Variants in HNRNPA3 observed in about 807,000 individuals in gnomAD.
The protein encoded by HNRNPA3 is epididymis secretory sperm binding protein.
HNRNPA3 carries 3 observed loss-of-function variants against 45.8 expected under a neutral mutation model. That is an observed-to-expected ratio of 0.07 (90% CI 0.03 to 0.17). The LOEUF (loss-of-function observed/expected upper bound fraction) is 0.17, where lower values mean the gene tolerates loss of function less well. Ranked by LOEUF, HNRNPA3 falls within the 10% of genes least tolerant of loss-of-function variation. The pLI, the probability that HNRNPA3 is intolerant of heterozygous loss-of-function variation, is 1.00. For synonymous variants in HNRNPA3, 170 were observed against 155.6 expected, an observed-to-expected ratio of 1.09 and a Z score of -0.69; for missense variants, 183 against 480.3, an observed-to-expected ratio of 0.38 and a Z score of 5.79.
chr2:177,214,244 A>C (rs1375455860), intron 1 of HNRNPA3, among the ~76,000 whole-genome samples: 2 of 152,268 alleles, frequency 1.3e-5, no homozygotes, highest in African/African-American at 4.8e-5. Context: ...CAGACAATAC[A>C]TACCATTCCT....
At chr2:177,213,878 A>T (rs1041384292) in intron 1 of HNRNPA3, among the ~76,000 whole-genome samples, 1 of 152,222 alleles carries the variant, frequency 6.6e-6, no homozygotes, top group Admixed American at 6.5e-5. Context: ...TTTAATGTGG[A>T]TCCTAAATAT....
downstream of HNRNPA3, chr2:177,220,730 G>C (rs1471251930): frequency 6.6e-6 from 1 of 152,574 alleles, no homozygotes; most frequent in South Asian, 2.1e-4. Flanking sequence ...AGAACACACT[G>C]TTATTTCTTG....
chr2:177,213,078 C>T (rs1263574871), intron 1 of HNRNPA3, among the ~76,000 whole-genome samples: 5 of 152,132 alleles, frequency 3.3e-5, no homozygotes, highest in Non-Finnish European at 4.4e-5. Flanking sequence ...ACAGGCGGCC[C>T]CTTGGAGGCG....
In HNRNPA3 at chr2:177,215,534, C is replaced by G. The variant is rs747546268; in HGVS notation, c.73-5C>G. 6.2e-6 allele frequency: 10 copies of G among 1,613,686 alleles called. No homozygotes were observed. Among genetic ancestry groups the G allele is most frequent in the Non-Finnish European group, 8.5e-6 (10 of 1,179,762 alleles). ...TAACTTAAGAGTATTGGTTCTTTCT[C>G]TCAGGGCCATGATCCAAAGGAACCA... On this transcript the variant is annotated splice_region_variant and splice_polypyrimidine_tract_variant and intron_variant, in intron 1 of 10. Transcript: ENST00000392524.
intron 8 of HNRNPA3, among the ~76,000 whole-genome samples, chr2:177,218,348 C>T (rs1470372946): frequency 2.0e-5 from 3 of 152,160 alleles, no homozygotes; most frequent in African/African-American, 7.2e-5. Context: ...AGGCATGAGC[C>T]ACTGCACTCA....
Position 177,216,858 on chromosome 2 carries a change from A to C in HNRNPA3, c.740-2A>C. ...TTTAATTCATTTCTTGTTTTTCCTC[A>C]GGAGGCTATGGTGGTGGAGGTGGTG... On this transcript the variant is annotated splice_acceptor_variant, in intron 6 of 10. Coordinates refer to ENST00000392524, the Ensembl canonical transcript of HNRNPA3. LOFTEE classifies it high-confidence loss of function. 6.2e-7 allele frequency: 1 copy of C among 1,612,206 alleles called. No individual in the cohort carries two copies. Among genetic ancestry groups the C allele is most frequent in the Admixed American group, 1.7e-5 (1 of 59,622 alleles).
At chr2:177,214,220 T>C (rs796859206) in intron 1 of HNRNPA3, among the ~76,000 whole-genome samples, 19 of 152,394 alleles carry the variant, frequency 1.2e-4, no homozygotes, top group African/African-American at 4.6e-4. Context: ...TTTGCTGTAC[T>C]CCGTTCTTAT....
rs984375418 is a variant in HNRNPA3 at position 177,216,294 on chromosome 2, T to C, written c.553+106T>C. On this transcript the variant is annotated intron_variant, in intron 4 of 10. Transcript: ENST00000392524. Reference sequence around the variant, plus strand: ...TTTCTGTTGCGTGTAATGGCATTTATAGTGTATAGTCAATTTTCATAGTGT... The same window carrying C: ...TTTCTGTTGCGTGTAATGGCATTTACAGTGTATAGTCAATTTTCATAGTGT... The C allele has an allele frequency of 1.3e-5, 10 of 790,072 alleles. 1 individual carries two copies. The African/African-American group carries it at 1.4e-4, about 11-fold the overall frequency. 48.9% of individuals were successfully genotyped at this position (790,072 alleles called of 1,614,324 possible). A position where few individuals can be genotyped will look rare whatever the true frequency, so the allele number is the denominator to read the frequency against.
downstream of HNRNPA3, chr2:177,222,184 C>G (rs1022279665): frequency 1.3e-5 from 2 of 152,568 alleles, no homozygotes; most frequent in African/African-American, 2.4e-5. Flanking sequence ...TGTTTCCCTG[C>G]AAGTCTACAT....
At chr2:177,217,966 C>G (rs1273872684) in intron 8 of HNRNPA3, 121 bp downstream of exon 8, 9 of 1,015,124 alleles carry the variant, frequency 8.9e-6, no homozygotes, top group South Asian at 6.1e-5. Flanking sequence ...AAGAAAAATA[C>G]TAAAATGGTT....
chr2:177,214,028 C>CT (rs1688811730), intron 1 of HNRNPA3, among the ~76,000 whole-genome samples: 1 of 152,184 alleles, frequency 6.6e-6, no homozygotes, highest in East Asian at 1.9e-4. Context: ...TTTAACATCT[C>CT]TACCTCTAGG....
chr2:177,217,283 C>CTAT (rs1688982565), intron 7 of HNRNPA3, among the ~76,000 whole-genome samples: 2 of 151,898 alleles, frequency 1.3e-5, no homozygotes, highest in South Asian at 2.1e-4. Flanking sequence ...ACTTGATACT[C>CTAT]TATTATTATT....
At chr2:177,221,255 CTG>C (rs1689176210), downstream of HNRNPA3, 1 of 152,590 alleles carries the variant, frequency 6.6e-6, no homozygotes, top group Non-Finnish European at 1.5e-5. Flanking sequence ...ATAATGGACA[CTG>C]TCAATGTTCA....
intron 1 of HNRNPA3, among the ~76,000 whole-genome samples, chr2:177,214,782 G>A (rs1688858681): frequency 6.6e-6 from 1 of 152,188 alleles, no homozygotes; most frequent in Non-Finnish European, 1.5e-5. Context: ...GCGACAGAGC[G>A]AGACTCAGTC....
In HNRNPA3 at chr2:177,215,935, G is replaced by T. The variant is rs745636552; in HGVS notation, c.342+39G>T. 2.5e-6 allele frequency: 4 copies of T among 1,596,414 alleles called. No homozygotes were observed. The South Asian group carries it at 4.6e-5, about 18-fold the overall frequency. ...ACATTGTGTAATATGTGAAATTGTT[G>T]TGAAAGTTTGTTTCTTGACTTAATA... On this transcript the variant is annotated intron_variant, in intron 3 of 10. Transcript: ENST00000392524.
chr2:177,219,228 A>T lies in HNRNPA3; in HGVS notation c.1085-19A>T. On this transcript the variant is annotated intron_variant, in intron 9 of 10. Transcript: ENST00000392524. ...AAAAAATGTGCATACTTCTTTTAAA[A>T]TACTATGTATATTTTCAGGTGGTTA... is the stretch of plus-strand genomic sequence containing the variant. The T allele has an allele frequency of 6.2e-7, 1 of 1,612,468 alleles. No individual in the cohort carries two copies. Among genetic ancestry groups the T allele is most frequent in the Non-Finnish European group, 8.5e-7 (1 of 1,179,392 alleles).
At chr2:177,217,730 T>G (rs1287546811) in exon 8 of HNRNPA3, 2 of 1,613,004 alleles carry the variant, frequency 1.2e-6, no homozygotes, top group African/African-American at 1.3e-5. Context: ...GTGGTCCTGG[T>G]TATAGTAGTA....
At chr2:177,215,456 T>C in intron 1 of HNRNPA3, 83 bp from the exon 2 acceptor site, 5 of 1,347,366 alleles carry the variant, frequency 3.7e-6, no homozygotes, top group Non-Finnish European at 5.2e-6. Flanking sequence ...TTGATTTTAT[T>C]ACTTACCGTA....
chr2:177,214,105 T>C (rs1039584099), intron 1 of HNRNPA3, among the ~76,000 whole-genome samples: 6 of 152,232 alleles, frequency 3.9e-5, no homozygotes, highest in Non-Finnish European at 7.3e-5. Context: ...GAAGGAAACC[T>C]TAATGCATGC....
Sources: allele counts gnomAD v4.1 joint callset (sites outside exome capture counted in the v4.1 genomes callset), GRCh38; gene constraint gnomAD v4.1.1; transcripts MANE v1.5; gene names NCBI Gene and HGNC (gene_info 2026-07-23, HGNC 2026-07-21).